TNFRSF1B: variants seen among roughly 807,000 people sequenced by gnomAD.
TNFRSF1B encodes the protein tumor necrosis factor receptor superfamily member 1B.
A neutral mutation model predicts 44.6 loss-of-function variants in TNFRSF1B; 19 were observed. That is an observed-to-expected ratio of 0.43 (90% CI 0.30 to 0.62). The LOEUF is 0.62. Ranked by LOEUF, TNFRSF1B falls within the 20% of genes least tolerant of loss-of-function variation. The pLI, the probability that TNFRSF1B is intolerant of heterozygous loss-of-function variation, is 0.16. For missense variants in TNFRSF1B, 541 were observed against 619.9 expected, an observed-to-expected ratio of 0.87 and a Z score of 1.35; for synonymous variants, 252 against 261.1, an observed-to-expected ratio of 0.97 and a Z score of 0.34.
At chr1:12,173,275 C>G (rs1638561498) in intron 1 of TNFRSF1B, among the ~76,000 whole-genome samples, 1 of 152,160 alleles carries the variant, frequency 6.6e-6, no homozygotes, top group Non-Finnish European at 1.5e-5. Flanking sequence ...ACAAAGGCCA[C>G]AGATTGGGGG....
chr1:12,201,833 A>G, intron 8 of TNFRSF1B, 134 bp from the exon 9 acceptor site: 1 of 1,270,158 alleles, frequency 7.9e-7, no homozygotes, highest in Middle Eastern at 2.7e-4. Flanking sequence ...AGAACGTGCA[A>G]GGGTGGGCAG....
In TNFRSF1B at chr1:12,177,506, C is replaced by T. The variant is rs776536303; in HGVS notation, c.78+10337C>T. ...AGTGTGGGGGAGCAGGATTCCAGGG[C>T]CTGCCTGGCGCTGCTACCCCTGTGC... On this transcript the variant is annotated intron_variant, in intron 1 of 9. Coordinates refer to ENST00000376259, the MANE Select transcript of TNFRSF1B (RefSeq NM_001066.3). The surrounding 1 kb of genome is among the most constrained non-coding windows in gnomAD (Gnocchi z 4.3). Among the ~76,000 whole-genome samples, 36 of 152,276 alleles carry T rather than the reference C, an allele frequency of 2.4e-4. No homozygotes were observed. Among genetic ancestry groups the T allele is most frequent in the Middle Eastern group, 3.4e-3 (1 of 294 alleles).
At chr1:12,195,856 A>G (rs1639255112) in intron 8 of TNFRSF1B, among the ~76,000 whole-genome samples, 1 of 152,228 alleles carries the variant, frequency 6.6e-6, no homozygotes, top group South Asian at 2.1e-4. Context: ...AGGTAGAGAA[A>G]GAACTTCTCA....
chr1:12,188,336 G>A (rs533336732), intron 1 of TNFRSF1B, among the ~76,000 whole-genome samples: 38 of 152,242 alleles, frequency 2.5e-4, no homozygotes, highest in African/African-American at 8.7e-4. Context: ...GCTTGAATTA[G>A]CCTTGGGTAG....
At chr1:12,170,890 G>C (rs1638507054) in intron 1 of TNFRSF1B, among the ~76,000 whole-genome samples, 1 of 151,074 alleles carries the variant, frequency 6.6e-6, no homozygotes, top group Non-Finnish European at 1.5e-5. Context: ...TGCCCAGGAT[G>C]GTCTTGGACC....
Position 12,169,683 on chromosome 1 carries a change from C to T in TNFRSF1B, c.78+2514C>T, listed in dbSNP as rs758126714. 6.6e-6 allele frequency among the ~76,000 whole-genome samples: 1 copy of T among 152,236 alleles called. No individual in the cohort carries two copies. Among genetic ancestry groups the T allele is most frequent in the Non-Finnish European group, 1.5e-5 (1 of 68,050 alleles). ...CTCACTGCCAGCAGGGCTTTTGCCCCGTTTAAAAGTCTTATTTGCCAGCTG... is the reference window on the plus strand; with the variant it reads ...CTCACTGCCAGCAGGGCTTTTGCCCTGTTTAAAAGTCTTATTTGCCAGCTG... On this transcript the variant is annotated intron_variant, in intron 1 of 9. Transcript: ENST00000376259. This position sits in a 1 kb window ranked among gnomAD's most constrained non-coding sequence, Gnocchi z 4.5.
Sources: allele counts gnomAD v4.1 joint callset (sites outside exome capture counted in the v4.1 genomes callset), GRCh38; gene constraint gnomAD v4.1.1; non-coding constraint Gnocchi (gnomAD v3.1); transcripts MANE v1.5; gene names NCBI Gene and HGNC (gene_info 2026-07-23, HGNC 2026-07-21).